ENDOU: variants seen among roughly 807,000 people sequenced by gnomAD.
ENDOU encodes the protein uridylate-specific endoribonuclease.
Under a neutral mutation model 54.2 loss-of-function variants are expected in ENDOU, and 49 were observed. The ratio of observed to expected loss-of-function variants is 0.90; its 90% CI spans 0.72 to 1.15. The LOEUF (loss-of-function observed/expected upper bound fraction) is 1.15, where lower values mean the gene tolerates loss of function less well. Among genes scored for constraint, ENDOU ranks in the 50% most tolerant of loss-of-function variants. ENDOU has a pLI of 0.00. For synonymous variants in ENDOU, 172 were observed against 190.5 expected (o/e 0.90, Z 0.80); for missense variants, 458 against 511.4 (o/e 0.90, Z 1.01).
chr12:47,720,957 C>T, intron 1 of ENDOU, 82 bp from the exon 2 acceptor site: 1 of 1,386,762 alleles, frequency 7.2e-7, no homozygotes, highest in East Asian at 2.5e-5. Context: ...GGTTCACAGA[C>T]CAGGGCAGGA....
chr12:47,725,427 AGGCCAAAAAGGGAGT>A lies in ENDOU; in HGVS notation c.-29_-15del. 2 of 1,613,954 alleles carry A rather than the reference AGGCCAAAAAGGGAGT, an allele frequency of 1.2e-6. No individual in the cohort carries two copies. Among genetic ancestry groups the A allele is most frequent in the Non-Finnish European group, 1.7e-6 (2 of 1,179,878 alleles). On this transcript the variant is annotated 5_prime_UTR_variant, in exon 1 of 10. Transcript: ENST00000422538. ...GCAGGCCCTCATGGTGCCCAGTTGG[AGGCCAAAAAGGGAGT>A]GGCTGTTGGACTTTCACTAGAGTCA...
At chr12:47,721,066 A>C (rs1165819648) in intron 1 of ENDOU, among the ~76,000 whole-genome samples, 191 bp from the exon 2 acceptor site, 1 of 152,066 alleles carries the variant, frequency 6.6e-6, no homozygotes, top group Non-Finnish European at 1.5e-5. Context: ...CCCAACACCC[A>C]CCAAATATTT....
intron 3 of ENDOU, 160 bp downstream of exon 3, chr12:47,717,969 C>G (rs561710081): frequency 6.3e-5 from 43 of 687,604 alleles, no homozygotes; most frequent in Middle Eastern, 4.1e-4. Flanking sequence ...CTGGCTGAGC[C>G]CCCCCAGGCT....
At chr12:47,712,708 T>C in intron 7 of ENDOU, 86 bp from the exon 8 acceptor site, 2 of 944,144 alleles carry the variant, frequency 2.1e-6, no homozygotes, top group Non-Finnish European at 3.3e-6. Context: ...TGCCAAGGCT[T>C]CCCCCTTCTC....
chr12:47,721,509 C>T (rs1243622180), intron 1 of ENDOU, among the ~76,000 whole-genome samples: 1 of 152,208 alleles, frequency 6.6e-6, no homozygotes. Flanking sequence ...GCTCTTGTCT[C>T]CCCTTCTGGT....
intron 2 of ENDOU, chr12:47,720,360 T>C (rs914955105): frequency 5.9e-6 from 1 of 169,024 alleles, no homozygotes; most frequent in African/African-American, 2.4e-5. Context: ...TTCCTGGCAG[T>C]ACACAAGTTG....
chr12:47,720,856 T>G lies in ENDOU; in HGVS notation c.75A>C (p.Ala25=). The G allele has an allele frequency of 6.5e-7, 1 of 1,536,070 alleles. No homozygotes were observed. Among genetic ancestry groups the G allele is most frequent in the Non-Finnish European group, 8.7e-7 (1 of 1,146,880 alleles). Residue 25 remains alanine, a synonymous_variant, in exon 2 of 10, where the codon GCA becomes GCC. Transcript: ENST00000422538. ...GGTTAAATTTCTCATTACATCGAGA[T>G]GCACAGGATTCTATTTTTCCTATGG... ...LAWAGKIESC[A]SRCNEKFNRD... is the part of the protein sequence containing the mutation.
chr12:47,711,704 A>C lies in ENDOU; in HGVS notation c.1044T>G (p.Ala348=). ...CAAACTCAGGGCTGCTGCCGATGAA[A>C]GCAGAGCCCACTTCCTTATAGTAGC... is the stretch of plus-strand genomic sequence containing the variant. ...WDGYYKEVGS[A]FIGSSPEFEF... Residue 348 remains alanine (A), a synonymous_variant, in exon 9 of 10, where the codon GCT becomes GCG. Coordinates refer to ENST00000422538, the MANE Select transcript of ENDOU (RefSeq NM_001172439.2). The C allele has an allele frequency of 6.2e-7, 1 of 1,614,244 alleles. No homozygotes were observed. The highest frequency in any genetic ancestry group is 8.5e-7 in the Non-Finnish European group (1 of 1,180,052).
chr12:47,716,144 C>A (rs550720865), intron 6 of ENDOU, among the ~76,000 whole-genome samples, 156 bp downstream of exon 6: 14 of 152,154 alleles, frequency 9.2e-5, no homozygotes, highest in Middle Eastern at 3.4e-3. Flanking sequence ...TCCTTGGCTT[C>A]CCCCTGGCCT....
Position 47,725,394 on chromosome 12 carries a change from AGG to A in ENDOU, c.18_19del (p.Leu7GlyfsTer22), listed in dbSNP as rs1212941858. 6.2e-7 allele frequency: 1 copy of A among 1,614,138 alleles called. No individual in the cohort carries two copies. Among genetic ancestry groups the A allele is most frequent in the South Asian group, 1.1e-5 (1 of 91,084 alleles). On this transcript the variant is annotated frameshift_variant, in exon 1 of 10. Coordinates refer to ENST00000422538, the MANE Select transcript of ENDOU (RefSeq NM_001172439.2). LOFTEE classifies it high-confidence loss of function. ...CAGGCCACACAGCACGGCCAATACC[AGG>A]GAGATGCAGGCCCTCATGGTGCCCA...
intron 6 of ENDOU, among the ~76,000 whole-genome samples, chr12:47,715,129 C>A (rs1271750076): frequency 2.0e-5 from 3 of 152,228 alleles, no homozygotes; most frequent in African/African-American, 7.2e-5. Flanking sequence ...AGATTTAAAC[C>A]AAGTCTCTCT....
intron 6 of ENDOU, among the ~76,000 whole-genome samples, chr12:47,713,744 G>GT (rs765302390): frequency 3.3e-5 from 5 of 151,058 alleles, no homozygotes; most frequent in African/African-American, 1.2e-4. Flanking sequence ...AGTTGGCGGG[G>GT]GGGGGGGGTC....
At chr12:47,712,714 T>G in intron 7 of ENDOU, 92 bp from the exon 8 acceptor site, 1 of 875,096 alleles carries the variant, frequency 1.1e-6, no homozygotes, top group Non-Finnish European at 1.8e-6. Flanking sequence ...GGCTTCCCCC[T>G]TCTCCAGTCT....
rs1263445115 is a variant in ENDOU at position 47,716,896 on chromosome 12, G to A, written c.545C>T (p.Pro182Leu). 1.9e-6 allele frequency: 3 copies of A among 1,614,104 alleles called. No individual in the cohort carries two copies. Among genetic ancestry groups the A allele is most frequent in the African/African-American group, 1.3e-5 (1 of 75,050 alleles). ...SETRNQVDRCPKPLFTYVNEK... is the reference protein window; with the variant it reads ...SETRNQVDRCLKPLFTYVNEK... ...AGGAATTGTGGGAACTCACGGCTTT[G>A]GGCAGCGATCCACTTGGTTTCTGGT... Residue 182 changes from proline (P) to leucine (L), a missense_variant, in exon 5 of 10, where the codon CCA (proline) becomes CTA (leucine). Pro to Leu is a moderately conservative substitution (Grantham distance 98). Coordinates refer to ENST00000422538, the MANE Select transcript of ENDOU (RefSeq NM_001172439.2).
At chr12:47,720,588 G>A (rs1940398575) in intron 2 of ENDOU, 165 bp downstream of exon 2, 1 of 560,606 alleles carries the variant, frequency 1.8e-6, no homozygotes, top group Non-Finnish European at 2.8e-6. Context: ...GAAAACCTGA[G>A]AAAAGTGGTG....
At position 47,710,611 on chromosome 12, in the gene ENDOU, G is replaced by A; in HGVS notation, c.*191C>T. 1 of 562,184 alleles carries A rather than the reference G, an allele frequency of 1.8e-6. No individual in the cohort carries two copies. The allele number at this position is 562,184 out of a possible 1,614,324, so 34.8% of individuals were successfully genotyped here. A position where few individuals can be genotyped will look rare whatever the true frequency, so the allele number is the denominator to read the frequency against. On this transcript the variant is annotated 3_prime_UTR_variant, in exon 10 of 10. Transcript: ENST00000422538. ...AATTCTAGAGGATAAAGGTTTGACT[G>A]TTTATCCACATTTTTCTAATTTGTA...
rs1273913493 is a variant in ENDOU at position 47,725,323 on chromosome 12, C to T, written c.55+36G>A. On this transcript the variant is annotated intron_variant, in intron 1 of 9. Coordinates refer to ENST00000422538, the MANE Select transcript of ENDOU (RefSeq NM_001172439.2). ...TGCTTCTTTAGGCAAGATCCCGCCC[C>T]ACCAGCAATCCCATGCCCGCCAGAT... The T allele has an allele frequency of 3.7e-6, 6 of 1,612,170 alleles. No individual in the cohort carries two copies. The South Asian group carries it at 5.5e-5, about 15-fold the overall frequency.
In ENDOU at chr12:47,716,921, T is replaced by A; in HGVS notation, c.520A>T (p.Thr174Ser). ...NSQNCISPSE[T>S]RNQVDRCPKP... ...GGGCAGCGATCCACTTGGTTTCTGG[T>A]CTCTGACGGGGAGATGCAGTTTTGG... Residue 174 changes from threonine (T) to serine (S), a missense_variant, in exon 5 of 10, where the codon ACC becomes TCC. Thr to Ser is a moderately conservative substitution (Grantham distance 58). Transcript: ENST00000422538. 1 of 1,614,188 alleles carries A rather than the reference T, an allele frequency of 6.2e-7. No homozygotes were observed. Among genetic ancestry groups the A allele is most frequent in the Non-Finnish European group, 8.5e-7 (1 of 1,180,036 alleles).
intron 5 of ENDOU, 42 bp downstream of exon 5, chr12:47,716,848 G>C: frequency 1.9e-6 from 3 of 1,603,964 alleles, no homozygotes; most frequent in Non-Finnish European, 2.6e-6. Flanking sequence ...CAAGGATAGG[G>C]GCAAGATTTA....
Sources: gnomAD v4.1 joint callset for allele counts (sites outside exome capture counted in the v4.1 genomes callset) on GRCh38, gnomAD v4.1.1 for gene constraint, MANE v1.5 for transcripts, NCBI Gene and HGNC (gene_info 2026-07-23, HGNC 2026-07-21) for gene names.